DPY19L4: variants seen among roughly 807,000 people sequenced by gnomAD.
DPY19L4 encodes the protein probable C-mannosyltransferase DPY19L4.
A neutral mutation model predicts 102.8 loss-of-function variants in DPY19L4; 97 were observed. The observed-to-expected ratio is 0.94, with a 90% confidence interval of 0.80 to 1.12. DPY19L4 has a LOEUF of 1.12. Ranked by LOEUF, DPY19L4 falls within the 50% of genes most tolerant of loss-of-function variation. The probability of loss-of-function intolerance (pLI) is 0.00; values close to 1 mark genes in which losing one functional copy is unlikely to be tolerated. For synonymous variants in DPY19L4, 252 were observed against 283.1 expected (o/e 0.89, Z 1.10); for missense variants, 815 against 850.4 (o/e 0.96, Z 0.52).
At chr8:94,738,772 A>G (rs1218791269) in intron 4 of DPY19L4, among the ~76,000 whole-genome samples, 1 of 152,060 alleles carries the variant, frequency 6.6e-6, no homozygotes, top group Non-Finnish European at 1.5e-5. Flanking sequence ...TCAGCCTCCC[A>G]AAGTGCTGGG....
At chr8:94,735,038 AT>A (rs760208029) in intron 3 of DPY19L4, among the ~76,000 whole-genome samples, 7 of 152,188 alleles carry the variant, frequency 4.6e-5, no homozygotes, top group Non-Finnish European at 8.8e-5. Flanking sequence ...GTTTTGATAG[AT>A]AGTTCACATT....
chr8:94,790,003 A>G lies in DPY19L4; in HGVS notation c.*93A>G. On this transcript the variant is annotated 3_prime_UTR_variant, in exon 19 of 19. Coordinates refer to ENST00000414645, the MANE Select transcript of DPY19L4 (RefSeq NM_181787.3). The stretch of plus-strand genomic sequence containing the variant: ...GTCTTTTGCAGATCAGAGTATGGAC[A>G]TTTGAAATATTGCTGCTTCTTTCCC... The G allele has an allele frequency of 8.3e-7, 1 of 1,206,626 alleles. No individual in the cohort carries two copies. The highest frequency in any genetic ancestry group is 1.5e-5 in the South Asian group (1 of 67,482). 74.7% of individuals were successfully genotyped at this position (1,206,626 alleles called of 1,614,324 possible).
chr8:94,720,241 A>G (rs1810398004), intron 1 of DPY19L4: 1 of 985,176 alleles, frequency 1.0e-6, no homozygotes, highest in African/African-American at 1.7e-5. Flanking sequence ...GCAAAGGTGG[A>G]GCTGAAAGTT....
chr8:94,720,359 A>G, intron 1 of DPY19L4: 1 of 726,226 alleles, frequency 1.4e-6, no homozygotes, highest in East Asian at 1.3e-4. Context: ...TTCGAAGATC[A>G]GGTTTAGGTA....
chr8:94,754,615 A>G (rs1009506940), intron 6 of DPY19L4, among the ~76,000 whole-genome samples: 3 of 152,330 alleles, frequency 2.0e-5, no homozygotes, highest in South Asian at 4.1e-4. Context: ...CAAAAAAACA[A>G]TAGCACCTTT....
In DPY19L4 at chr8:94,792,144, G is replaced by T. The variant is rs561345206; in HGVS notation, c.*2234G>T. ...GAGAAGAATTTATGGGTTTTGGGTG[G>T]AAGGAATTTCTCAAAGAAATAAAAA... On this transcript the variant is annotated 3_prime_UTR_variant, in exon 19 of 19. Transcript: ENST00000414645. 1 of 152,244 alleles carries T rather than the reference G, an allele frequency of 6.6e-6. No homozygotes were observed. The highest frequency in any genetic ancestry group is 2.4e-5 in the African/African-American group (1 of 41,550). 9.4% of individuals were successfully genotyped at this position (152,244 alleles called of 1,614,324 possible).
At chr8:94,759,863 C>T (rs758534446) in intron 7 of DPY19L4, among the ~76,000 whole-genome samples, 15 of 152,306 alleles carry the variant, frequency 9.8e-5, no homozygotes, top group African/African-American at 1.9e-4. Context: ...GGCTAAGTTT[C>T]GTGGTCCCAG....
chr8:94,722,722 T>C (rs915337907), intron 1 of DPY19L4, among the ~76,000 whole-genome samples: 2 of 152,160 alleles, frequency 1.3e-5, no homozygotes, highest in African/African-American at 4.8e-5. Context: ...ATACTTTTTT[T>C]CCCCCAGAAT....
intron 4 of DPY19L4, among the ~76,000 whole-genome samples, 186 bp from the exon 5 acceptor site, chr8:94,739,227 G>A (rs1811327110): frequency 6.6e-6 from 1 of 151,890 alleles, no homozygotes; most frequent in Admixed American, 6.6e-5. Context: ...TTCAATGTGG[G>A]GATTTGTCTC....
At chr8:94,720,141 C>A (rs909478531) in intron 1 of DPY19L4, 127 bp downstream of exon 1, 2 of 1,371,966 alleles carry the variant, frequency 1.5e-6, no homozygotes, top group Admixed American at 3.7e-5. Flanking sequence ...GCGGGCAGGG[C>A]GGGAAGGAGC....
intron 2 of DPY19L4, among the ~76,000 whole-genome samples, chr8:94,733,643 G>A (rs13281969): frequency 0.44 from 66,296 of 151,206 alleles, 15,004 homozygotes; most frequent in Non-Finnish European, 0.5. Context: ...CCAGGTTCAA[G>A]TGATTCTCCT....
At position 94,770,466 on chromosome 8, in the gene DPY19L4, A is replaced by G. The variant is rs1252535772; in HGVS notation, c.1349A>G (p.Lys450Arg). The change falls in exon 13 of 19, where the codon AAG (lysine) becomes AGG (arginine). Residue 450 changes from lysine (K) to arginine (R), a missense_variant. By Grantham distance (26) the Lys-to-Arg change is conservative. Transcript: ENST00000414645. ...TCTTTTTGTAGTGGTAAGTCCCTGA[A>G]GGAAACTGTTACTCTTGAAGATGGA... ...IFRRINGKSL[K>R]ETVTLEDGRI... 6.2e-7 allele frequency: 1 copy of G among 1,612,464 alleles called. No homozygotes were observed. The highest frequency in any genetic ancestry group is 1.3e-5 in the African/African-American group (1 of 74,850).
At chr8:94,786,185 G>A (rs1813642224) in intron 17 of DPY19L4, among the ~76,000 whole-genome samples, 1 of 152,042 alleles carries the variant, frequency 6.6e-6, no homozygotes, top group Admixed American at 6.6e-5. Context: ...GGAGTGCAGT[G>A]GCACAATCTC....
Position 94,738,414 on chromosome 8 carries a change from T to C in DPY19L4, c.298T>C (p.Tyr100His), listed in dbSNP as rs1417713182. 6.4e-7 allele frequency: 1 copy of C among 1,562,308 alleles called. No individual in the cohort carries two copies. The highest frequency in any genetic ancestry group is 1.3e-5 in the South Asian group (1 of 78,190). ...GTTTCAGGGTGACAGTGCCATTTAT[T>C]ACTCCTATTATAAAGATATGTTAAA... The part of the protein sequence containing the change: ...ITFQGDSAIY[Y>H]SYYKDMLKAP... The change falls in exon 4 of 19, where the codon TAC becomes CAC. Residue 100 changes from tyrosine to histidine, a missense_variant. By Grantham distance (83) the Tyr-to-His change is moderately conservative. Transcript: ENST00000414645.
At chr8:94,737,867 TAAAAC>T (rs1207636680) in intron 3 of DPY19L4, among the ~76,000 whole-genome samples, 4 of 151,412 alleles carry the variant, frequency 2.6e-5, no homozygotes, top group African/African-American at 7.3e-5. Flanking sequence ...TACAAAAAAA[TAAAAC>T]AAAACAAAAC....
intron 1 of DPY19L4, chr8:94,720,220 C>T (rs1810396759): frequency 1.0e-6 from 1 of 985,202 alleles, no homozygotes; most frequent in African/African-American, 1.7e-5. Context: ...TTTTGTCGGC[C>T]GAATTGGGAA....
At chr8:94,761,589 A>G (rs1812394484) in intron 7 of DPY19L4, 111 bp from the exon 8 acceptor site, 1 of 970,562 alleles carries the variant, frequency 1.0e-6, no homozygotes, top group Non-Finnish European at 1.4e-6. Context: ...CAATAATTAT[A>G]TAGCTTAAAG....
At chr8:94,741,707 C>T (rs940789922) in intron 6 of DPY19L4, among the ~76,000 whole-genome samples, 2 of 152,152 alleles carry the variant, frequency 1.3e-5, no homozygotes, top group Admixed American at 6.5e-5. Flanking sequence ...CTCAAATTGT[C>T]ACACCCTTGG....
At chr8:94,728,415 A>G (rs7461991) in intron 2 of DPY19L4, among the ~76,000 whole-genome samples, 107,838 of 152,182 alleles carry the variant, frequency 0.71, 39,807 homozygotes, top group African/African-American at 0.93. Context: ...TTTACACTCT[A>G]GAGATCTTTT....
Sources: gnomAD v4.1 joint callset for allele counts (sites outside exome capture counted in the v4.1 genomes callset) on GRCh38, gnomAD v4.1.1 for gene constraint, MANE v1.5 for transcripts, NCBI Gene and HGNC (gene_info 2026-07-23, HGNC 2026-07-21) for gene names.